Variants in RHOA observed in about 807,000 individuals in gnomAD.
RHOA encodes the protein ras homolog family member A.
Under a neutral mutation model 17.5 loss-of-function variants are expected in RHOA, and 3 were observed. The observed-to-expected ratio is 0.17, with a 90% CI of 0.08 to 0.44. RHOA has a LOEUF of 0.44. Among genes scored for constraint, RHOA ranks in the 20% least tolerant of loss-of-function variants. RHOA has a pLI of 0.99. For missense variants in RHOA, 56 were observed against 242.3 expected, an observed-to-expected ratio of 0.23 and a Z score of 5.10; for synonymous variants, 98 against 88.4, an observed-to-expected ratio of 1.11 and a Z score of -0.61.
chr3:49,396,548 A>C (rs543510813), intron 1 of RHOA, among the ~76,000 whole-genome samples: 126 of 152,244 alleles, frequency 8.3e-4, no homozygotes, highest in Middle Eastern at 3.4e-3. Context: ...CTCTACTAAA[A>C]ATACAAAAAT....
intron 1 of RHOA, among the ~76,000 whole-genome samples, chr3:49,388,442 A>G (rs1018619082): frequency 1.3e-5 from 2 of 152,174 alleles, no homozygotes; most frequent in Non-Finnish European, 2.9e-5. Flanking sequence ...ATTTCCTGGG[A>G]TAACTATAGC....
intron 1 of RHOA, among the ~76,000 whole-genome samples, chr3:49,380,286 A>G (rs990447507): frequency 6.6e-6 from 1 of 152,176 alleles, no homozygotes; most frequent in Non-Finnish European, 1.5e-5. Context: ...TGATCTTGGG[A>G]GCCACCATCT....
At chr3:49,404,604 T>A (rs1420158689) in intron 1 of RHOA, among the ~76,000 whole-genome samples, 2 of 80,604 alleles carry the variant, frequency 2.5e-5, no homozygotes, top group African/African-American at 1.1e-4. Flanking sequence ...AGAGCAAGAC[T>A]CCGTCTCAAA....
At chr3:49,389,107 C>T (rs1025056315) in intron 1 of RHOA, among the ~76,000 whole-genome samples, 2 of 151,844 alleles carry the variant, frequency 1.3e-5, no homozygotes, top group Non-Finnish European at 2.9e-5. Context: ...TTTGGGAGGC[C>T]GAGGCGGGTG....
At chr3:49,406,226 A>G (rs2048830565) in intron 1 of RHOA, among the ~76,000 whole-genome samples, 1 of 152,152 alleles carries the variant, frequency 6.6e-6, no homozygotes, top group Non-Finnish European at 1.5e-5. Context: ...CTCAAAGCCT[A>G]TATCCCAAAC....
At chr3:49,408,201 T>C (rs989583096) in intron 1 of RHOA, among the ~76,000 whole-genome samples, 6 of 148,152 alleles carry the variant, frequency 4.0e-5, no homozygotes, top group South Asian at 2.1e-4. Context: ...CACACACACA[T>C]ACACACACGT....
At chr3:49,363,570 C>G (rs1342649352) in intron 3 of RHOA, among the ~76,000 whole-genome samples, 1 of 151,108 alleles carries the variant, frequency 6.6e-6, no homozygotes, top group African/African-American at 2.4e-5. Context: ...ACCCCATCTC[C>G]AGACAGCGTG....
chr3:49,377,736 T>C (rs1215392320), intron 1 of RHOA, among the ~76,000 whole-genome samples: 3 of 152,042 alleles, frequency 2.0e-5, no homozygotes, highest in Non-Finnish European at 4.4e-5. Context: ...ATTGCATCAC[T>C]GCACTCCAGC....
chr3:49,405,241 G>A (rs1337715386), intron 1 of RHOA, among the ~76,000 whole-genome samples: 2 of 138,668 alleles, frequency 1.4e-5, no homozygotes, highest in African/African-American at 2.8e-5. Context: ...CTGGGTGACA[G>A]AGCGAGACTG....
intron 3 of RHOA, among the ~76,000 whole-genome samples, chr3:49,363,262 CA>C (rs905728959): frequency 4.0e-5 from 6 of 151,468 alleles, no homozygotes; most frequent in Non-Finnish European, 2.9e-5. Context: ...ACTAAAAATA[CA>C]AAAAAAATTA....
rs188765514 is a variant in RHOA at position 49,370,984 on chromosome 3, T to G, written c.157-2436A>C. ...CACAAGGCCCACTGTACTTCTGTCATGCAAACCATCATTCTGGCATGTGTA... is the reference window on the plus strand; with the variant it reads ...CACAAGGCCCACTGTACTTCTGTCAGGCAAACCATCATTCTGGCATGTGTA... On this transcript the variant is annotated intron_variant, in intron 2 of 4. Coordinates refer to ENST00000418115, the MANE Select transcript of RHOA (RefSeq NM_001664.4). Among the ~76,000 whole-genome samples the G allele has an allele frequency of 2.1e-3, 316 of 152,308 alleles. 3 individuals are homozygous for G. The highest frequency in any genetic ancestry group is 0.017 in the South Asian group (83 of 4,828).
Position 49,367,342 on chromosome 3 carries a change from C to CAAAAAAAAAAAAAAAAAAAA in RHOA, c.277+1066_277+1085dup, listed in dbSNP as rs62926260. Among the ~76,000 whole-genome samples, 42 of 80,480 alleles carry CAAAAAAAAAAAAAAAAAAAA rather than the reference C, an allele frequency of 5.2e-4. 1 individual carries two copies. The highest frequency in any genetic ancestry group is 4.5e-3 in the East Asian group (4 of 896). The allele number at this position is 80,480 out of a possible 152,430, so 52.8% of individuals were successfully genotyped here. A position where few individuals can be genotyped will look rare whatever the true frequency, so the allele number is the denominator to read the frequency against. On this transcript the variant is annotated intron_variant, in intron 3 of 4. Coordinates refer to ENST00000418115, the MANE Select transcript of RHOA (RefSeq NM_001664.4). ...TGGGAGACAGAGCAAGACTCCCTCT[C>CAAAAAAAAAAAAAAAAAAAA]AAAAAAAAAAAAAAAAAAAAAAAAG...
intron 1 of RHOA, among the ~76,000 whole-genome samples, chr3:49,407,471 T>G (rs13061396): frequency 6.6e-6 from 1 of 151,892 alleles, no homozygotes; most frequent in Non-Finnish European, 1.5e-5. Context: ...TGACCTCAAG[T>G]GATCCACCTG....
intron 3 of RHOA, among the ~76,000 whole-genome samples, chr3:49,363,234 C>A (rs1027382027): frequency 1.1e-4 from 16 of 151,532 alleles, no homozygotes; most frequent in African/African-American, 3.6e-4. Flanking sequence ...CTGGCTAACA[C>A]AGTGAAACCC....
intron 1 of RHOA, among the ~76,000 whole-genome samples, chr3:49,400,762 C>T (rs2048708955): frequency 6.6e-6 from 1 of 151,228 alleles, no homozygotes; most frequent in Non-Finnish European, 1.5e-5. Context: ...GGGTTAATTT[C>T]CAGCCGGGCA....
At chr3:49,391,578 T>C (rs2048507846) in intron 1 of RHOA, among the ~76,000 whole-genome samples, 1 of 152,012 alleles carries the variant, frequency 6.6e-6, no homozygotes, top group African/African-American at 2.4e-5. Context: ...AGTTTCGCTC[T>C]TGTTGCCCAG....
At chr3:49,390,067 G>A (rs901202347) in intron 1 of RHOA, among the ~76,000 whole-genome samples, 8 of 151,974 alleles carry the variant, frequency 5.3e-5, no homozygotes, top group Non-Finnish European at 8.8e-5. Context: ...CTTTATTGGC[G>A]GGTCCCCGTC....
At chr3:49,386,710 G>A (rs750498758) in intron 1 of RHOA, among the ~76,000 whole-genome samples, 34 of 152,058 alleles carry the variant, frequency 2.2e-4, no homozygotes, top group Non-Finnish European at 4.0e-4. Context: ...TGCAACTTAG[G>A]GCGATTAACT....
intron 1 of RHOA, among the ~76,000 whole-genome samples, chr3:49,395,880 C>T (rs963253755): frequency 2.6e-4 from 40 of 152,044 alleles, no homozygotes; most frequent in African/African-American, 9.2e-4. Context: ...AGGCGTTTTC[C>T]AAACCTCACA....
Sources: allele counts gnomAD v4.1 joint callset (sites outside exome capture counted in the v4.1 genomes callset), GRCh38; gene constraint gnomAD v4.1.1; transcripts MANE v1.5; gene names NCBI Gene and HGNC (gene_info 2026-07-23, HGNC 2026-07-21).